Variants in DAB1 observed in about 807,000 individuals in gnomAD.
DAB1 encodes the protein DAB adaptor protein 1.
In DAB1, 15 loss-of-function variants were observed where a neutral mutation model predicts 64.6. That is an observed-to-expected ratio of 0.23 (90% confidence interval 0.16 to 0.36). The LOEUF (loss-of-function observed/expected upper bound fraction) is 0.36, where lower values mean the gene tolerates loss of function less well. DAB1 is among the 10% of genes least tolerant of loss of function. DAB1 has a pLI of 1.00. For missense variants in DAB1, 596 were observed against 706.7 expected, an observed-to-expected ratio of 0.84 and a Z score of 1.78; for synonymous variants, 235 against 251.9, an observed-to-expected ratio of 0.93 and a Z score of 0.64.
chr1:57,561,397 C>T (rs192465186), intron 7 of DAB1, among the ~76,000 whole-genome samples: 78 of 152,204 alleles, frequency 5.1e-4, no homozygotes, highest in African/African-American at 1.7e-3. Context: ...ACCAGATGTG[C>T]GATTATATAC....
intron 7 of DAB1, among the ~76,000 whole-genome samples, chr1:57,567,196 T>C (rs563256535): frequency 9.2e-5 from 14 of 152,308 alleles, no homozygotes; most frequent in Non-Finnish European, 2.1e-4. Flanking sequence ...TCTCAATAGA[T>C]GCAGAAAAGG....
intron 5 of DAB1, among the ~76,000 whole-genome samples, chr1:58,039,953 C>T (rs1647109410): frequency 6.6e-6 from 1 of 152,016 alleles, no homozygotes; most frequent in African/African-American, 2.4e-5. Context: ...AGGAACAGTG[C>T]TAGCAAAACT....
intron 7 of DAB1, among the ~76,000 whole-genome samples, chr1:57,448,744 A>G (rs1399734410): frequency 6.7e-6 from 1 of 148,522 alleles, no homozygotes; most frequent in African/African-American, 2.5e-5. Flanking sequence ...CCTTCACAAT[A>G]GCAAGTGTAG....
chr1:58,411,377 T>C (rs531457742), intron 3 of DAB1, among the ~76,000 whole-genome samples: 1 of 152,334 alleles, frequency 6.6e-6, no homozygotes, highest in East Asian at 1.9e-4. Context: ...AAAATAGAAC[T>C]AATAATACTT....
At chr1:57,066,723 G>A (rs754794039) in intron 8 of DAB1, among the ~76,000 whole-genome samples, 13 of 152,134 alleles carry the variant, frequency 8.5e-5, no homozygotes, top group Non-Finnish European at 1.3e-4. Context: ...GGAAACTCAC[G>A]TTTACACAGA....
chr1:57,454,838 C>G (rs765388464), intron 7 of DAB1, among the ~76,000 whole-genome samples: 2 of 151,986 alleles, frequency 1.3e-5, no homozygotes, highest in African/African-American at 4.8e-5. Flanking sequence ...AAGCTGAGCA[C>G]TGGGGATTCT....
chr1:57,575,512 G>A (rs1008115857), intron 7 of DAB1, among the ~76,000 whole-genome samples: 1 of 152,152 alleles, frequency 6.6e-6, no homozygotes, highest in Non-Finnish European at 1.5e-5. Flanking sequence ...TAGAGAATTG[G>A]AGTCACATGA....
chr1:58,203,724 T>C (rs1220801931), intron 4 of DAB1, among the ~76,000 whole-genome samples: 1 of 152,190 alleles, frequency 6.6e-6, no homozygotes, highest in Admixed American at 6.5e-5. Context: ...TACTGCTATG[T>C]CATATAACAT....
chr1:58,107,411 C>A (rs1651720028), intron 5 of DAB1, among the ~76,000 whole-genome samples: 1 of 148,504 alleles, frequency 6.7e-6, no homozygotes, highest in African/African-American at 2.5e-5. Context: ...GCGGAGTTTG[C>A]AGTGAGCAGA....
chr1:57,761,280 C>G (rs1649074583), intron 6 of DAB1, among the ~76,000 whole-genome samples: 1 of 152,200 alleles, frequency 6.6e-6, no homozygotes. Context: ...AGGTTTGGAG[C>G]CTTCTGTAGG....
chr1:58,168,117 T>A (rs936639550), intron 4 of DAB1, among the ~76,000 whole-genome samples: 15 of 152,168 alleles, frequency 9.9e-5, no homozygotes, highest in African/African-American at 3.4e-4. Context: ...CGGGCACCTG[T>A]CAGCCAGTTA....
At chr1:57,202,477 G>A (rs551683308) in intron 2 of DAB1, among the ~76,000 whole-genome samples, 35 of 152,226 alleles carry the variant, frequency 2.3e-4, no homozygotes, top group African/African-American at 4.3e-4. Context: ...ACTAAGATCC[G>A]TTTACCTGCA....
At chr1:57,972,331 G>A (rs1353436260) in intron 5 of DAB1, among the ~76,000 whole-genome samples, 2 of 152,116 alleles carry the variant, frequency 1.3e-5, no homozygotes, top group Non-Finnish European at 2.9e-5. Context: ...TGAATTCCTT[G>A]GCTCAAGGGA....
At chr1:58,539,105 G>A (rs1646563240) in intron 1 of DAB1, 1 of 872,890 alleles carries the variant, frequency 1.1e-6, no homozygotes, top group South Asian at 1.3e-5. Context: ...TTTCCAGGCA[G>A]AAAACTCCAC....
At chr1:58,529,763 T>A (rs1172181985) in intron 1 of DAB1, among the ~76,000 whole-genome samples, 1 of 152,168 alleles carries the variant, frequency 6.6e-6, no homozygotes, top group Non-Finnish European at 1.5e-5. Flanking sequence ...AACTTAAAAA[T>A]ATATATAGTA....
At chr1:58,498,668 ATATAAC>A (rs1226278520) in intron 3 of DAB1, among the ~76,000 whole-genome samples, 3 of 152,210 alleles carry the variant, frequency 2.0e-5, no homozygotes, top group African/African-American at 7.2e-5. Flanking sequence ...CTTCTTGCCT[ATATAAC>A]TATGTTTCTT....
chr1:58,229,514 T>C (rs1659676115), intron 4 of DAB1, among the ~76,000 whole-genome samples: 1 of 151,898 alleles, frequency 6.6e-6, no homozygotes. Context: ...GAGTGATAAG[T>C]GTAATGACAA....
intron 4 of DAB1, among the ~76,000 whole-genome samples, chr1:58,300,628 G>GTA (rs1662124690): frequency 1.8e-5 from 1 of 54,286 alleles, no homozygotes. Flanking sequence ...GAGAGAGAGA[G>GTA]AGAGAGAGAG....
chr1:57,144,625 C>T (rs1024611536), intron 3 of DAB1, among the ~76,000 whole-genome samples: 7 of 149,558 alleles, frequency 4.7e-5, no homozygotes, highest in Non-Finnish European at 8.9e-5. Flanking sequence ...ACCCAGGAGG[C>T]GGAAGTTGCA....
Sources: allele counts gnomAD v4.1 joint callset (sites outside exome capture counted in the v4.1 genomes callset), GRCh38; gene constraint gnomAD v4.1.1; transcripts MANE v1.5; gene names NCBI Gene and HGNC (gene_info 2026-07-23, HGNC 2026-07-21).